Variants in RNF38 observed in about 807,000 individuals in gnomAD.
RNF38 encodes ring finger protein 38.
RNF38 carries 15 observed loss-of-function variants against 67.2 expected under a neutral mutation model. That is an observed-to-expected ratio of 0.22 (90% confidence interval 0.15 to 0.34). RNF38 has a LOEUF of 0.34. Among genes scored for constraint, RNF38 ranks in the 10% least tolerant of loss-of-function variants. The pLI, the probability that RNF38 is intolerant of heterozygous loss-of-function variation, is 1.00. For missense variants in RNF38, 524 were observed against 639.9 expected (o/e 0.82, Z 1.95); for synonymous variants, 220 against 218.8 (o/e 1.01, Z -0.05).
At chr9:36,402,714 C>G (rs1564048800), upstream of RNF38, among the ~76,000 whole-genome samples, 1 of 152,200 alleles carries the variant, frequency 6.6e-6, no homozygotes, top group Non-Finnish European at 1.5e-5. Context: ...CAGCATTCCT[C>G]ACCTCTAAGC....
chr9:36,344,686 T>C, intron 10 of RNF38, 146 bp downstream of exon 10: 2 of 685,236 alleles, frequency 2.9e-6, no homozygotes, highest in East Asian at 2.8e-5. Context: ...AGATAACTTA[T>C]CTTTATCAAA....
At chr9:36,482,042 T>C (rs1463091588) in intron 1 of RNF38, among the ~76,000 whole-genome samples, 2 of 148,742 alleles carry the variant, frequency 1.3e-5, no homozygotes, top group African/African-American at 5.0e-5. Context: ...TACCAGATAC[T>C]TTTGTCTTTT....
chr9:36,366,647 TCTTTTCTG>T (rs1400443196), intron 4 of RNF38, among the ~76,000 whole-genome samples: 4 of 152,246 alleles, frequency 2.6e-5, no homozygotes, highest in African/African-American at 9.6e-5. Flanking sequence ...TTTCTTCTTG[TCTTTTCTG>T]CTGGCTTGGC....
chr9:36,477,962 A>G (rs1840160037), intron 1 of RNF38, among the ~76,000 whole-genome samples: 1 of 152,018 alleles, frequency 6.6e-6, no homozygotes. Flanking sequence ...CTGCCACTGC[A>G]CTCCAGAGTG....
intron 9 of RNF38, 100 bp downstream of exon 9, chr9:36,351,015 G>A (rs568614107): frequency 2.5e-6 from 2 of 793,490 alleles, no homozygotes; most frequent in East Asian, 5.5e-5. Context: ...TGTGGCCCAG[G>A]AAGCCAAAAG....
intron 1 of RNF38, among the ~76,000 whole-genome samples, chr9:36,425,292 T>A (rs192980975): frequency 0.017 from 2,659 of 152,212 alleles, 27 homozygotes; most frequent in Non-Finnish European, 0.026. Context: ...CCATTTTTTT[T>A]AAAAAAAGTT....
intron 11 of RNF38, among the ~76,000 whole-genome samples, chr9:36,341,009 CCTGT>C (rs559406820): frequency 1.8e-4 from 28 of 152,046 alleles, no homozygotes; most frequent in Non-Finnish European, 3.7e-4. Flanking sequence ...ATTCTATCTC[CCTGT>C]CTCTCAGAAA....
In RNF38 at chr9:36,340,351, AACAACTGACAT is replaced by A. The variant is rs535196626; in HGVS notation, c.1486-548_1486-538del. Among the ~76,000 whole-genome samples, 292 of 152,330 alleles carry A rather than the reference AACAACTGACAT, an allele frequency of 1.9e-3. 2 individuals carry two copies. The highest frequency in any genetic ancestry group is 6.8e-3 in the Middle Eastern group (2 of 294). On this transcript the variant is annotated intron_variant, in intron 11 of 11. Coordinates refer to ENST00000259605, the MANE Select transcript of RNF38 (RefSeq NM_022781.5). ...ACCATTGACCAGTTTGGACCAAGTTAACAACTGACATTAAAGTAAAAGCTTGGTTAGTCTTT... is the reference window on the plus strand; with the variant it reads ...ACCATTGACCAGTTTGGACCAAGTTATAAAGTAAAAGCTTGGTTAGTCTTT...
intron 1 of RNF38, among the ~76,000 whole-genome samples, chr9:36,440,860 G>A (rs1238150262): frequency 6.6e-6 from 1 of 152,126 alleles, no homozygotes; most frequent in Non-Finnish European, 1.5e-5. Context: ...CATAATCTCA[G>A]ATACTTTGGG....
upstream of RNF38, among the ~76,000 whole-genome samples, chr9:36,404,192 T>C (rs9408268): frequency 0.022 from 3,333 of 152,322 alleles, 107 homozygotes; most frequent in African/African-American, 0.071. Context: ...CACAGCATCA[T>C]ATACTGAAAA....
rs565588734 is a variant in RNF38 at position 36,430,503 on chromosome 9, C to T, written n.242-5820G>A. 3.9e-5 allele frequency among the ~76,000 whole-genome samples: 6 copies of T among 152,052 alleles called. No individual in the cohort carries two copies. The South Asian group carries it at 1.2e-3, about 32-fold the overall frequency. On this transcript the variant is annotated intron_variant and non_coding_transcript_variant, in intron 1 of 3. Transcript: ENST00000488058. ...TACAGGCAAGAGCTACTGTGCCTGG[C>T]CTTAATATTTTTTAAATACTGAAAT...
At chr9:36,359,401 G>A (rs895931794) in intron 4 of RNF38, among the ~76,000 whole-genome samples, 2 of 151,202 alleles carry the variant, frequency 1.3e-5, no homozygotes, top group African/African-American at 2.4e-5. Context: ...ACTTATTTTT[G>A]TTTATAAAGT....
In RNF38 at chr9:36,356,371, G is replaced by A. The variant is rs756347116; in HGVS notation, c.841C>T (p.Pro281Ser). 32 of 1,613,980 alleles carry A rather than the reference G, an allele frequency of 2.0e-5. No homozygotes were observed. In the East Asian group the frequency reaches 6.9e-4, roughly 35 times the overall value. Reference protein sequence around the residue: ...PFLIHPPHLSPHHPPHLPPPG... With the variant: ...PFLIHPPHLSSHHPPHLPPPG... ...GGTGGCAAATGAGGAGGATGATGGG[G>A]AGAAAGGTGAGGAGGATGTATAAGA... Residue 281 changes from proline (P) to serine (S), a missense_variant, in exon 6 of 12, where the codon CCC (proline) becomes TCC (serine). By Grantham distance (74) the Pro-to-Ser change is moderately conservative. Around this residue, in one of 2 missense-constraint regions of RNF38, gnomAD observed 461 missense variants for 517.4 expected, o/e 0.89. Transcript: ENST00000259605.
intron 6 of RNF38, among the ~76,000 whole-genome samples, chr9:36,354,653 T>G (rs1833963132): frequency 6.6e-6 from 1 of 152,230 alleles, no homozygotes; most frequent in Non-Finnish European, 1.5e-5. Context: ...TACCACTCTT[T>G]CGTCACCCAT....
At chr9:36,450,723 T>C (rs184557539) in intron 1 of RNF38, among the ~76,000 whole-genome samples, 45 of 152,204 alleles carry the variant, frequency 3.0e-4, no homozygotes, top group African/African-American at 1.1e-3. Context: ...GAGAACAGCC[T>C]GGCCAACATG....
chr9:36,376,036 C>G lies in RNF38; in HGVS notation c.254G>C (p.Arg85Pro). 6.2e-7 allele frequency: 1 copy of G among 1,613,046 alleles called. No homozygotes were observed. The change falls in exon 3 of 12, where the codon CGA becomes CCA. Residue 85 changes from arginine (R) to proline (P), a missense_variant. Transcript: ENST00000259605. Reference sequence around the variant, plus strand: ...CCTATTTGATGTCATCTCCCATGGTCGCATTGGTGGTGAGGGAGCTGGTGA... The same window carrying G: ...CCTATTTGATGTCATCTCCCATGGTGGCATTGGTGGTGAGGGAGCTGGTGA... ...SASPAPSPPM[R>P]PWEMTSNRQP...
intron 2 of RNF38, among the ~76,000 whole-genome samples, chr9:36,422,586 A>C (rs562950765): frequency 6.6e-6 from 1 of 152,336 alleles, no homozygotes; most frequent in African/African-American, 2.4e-5. Flanking sequence ...GATAAGTACT[A>C]CTTGCTGACT....
At chr9:36,444,447 T>C (rs1839257994) in intron 1 of RNF38, among the ~76,000 whole-genome samples, 1 of 152,130 alleles carries the variant, frequency 6.6e-6, no homozygotes, top group Non-Finnish European at 1.5e-5. Context: ...CCTGCACTTG[T>C]ACCCTGGAAC....
intron 2 of RNF38, among the ~76,000 whole-genome samples, chr9:36,379,771 A>C (rs1836068393): frequency 6.6e-6 from 1 of 152,232 alleles, no homozygotes; most frequent in African/African-American, 2.4e-5. Flanking sequence ...AAATAGAATC[A>C]AAATATATGA....
Sources: allele counts gnomAD v4.1 joint callset (sites outside exome capture counted in the v4.1 genomes callset), GRCh38; gene constraint gnomAD v4.1.1; regional missense constraint gnomAD v4.1.1; transcripts MANE v1.5; gene names NCBI Gene and HGNC (gene_info 2026-07-23, HGNC 2026-07-21).